Variants in GRK4 observed in about 807,000 individuals in gnomAD.
GRK4 encodes the protein G protein-coupled receptor kinase 4.
GRK4 carries 73 observed loss-of-function variants against 77.9 expected under a neutral mutation model. The ratio of observed to expected loss-of-function variants is 0.94; its 90% CI spans 0.78 to 1.14. GRK4 has a LOEUF of 1.14. GRK4 is among the 50% of genes most tolerant of loss of function. The pLI, the probability that GRK4 is intolerant of heterozygous loss-of-function variation, is 0.00. For synonymous variants in GRK4, 257 were observed against 254.4 expected, an observed-to-expected ratio of 1.01 and a Z score of -0.10; for missense variants, 729 against 700.2, an observed-to-expected ratio of 1.04 and a Z score of -0.46.
intron 5 of GRK4, among the ~76,000 whole-genome samples, chr4:3,004,837 A>G (rs1217747747): frequency 6.6e-6 from 1 of 152,142 alleles, no homozygotes; most frequent in Admixed American, 6.5e-5. Flanking sequence ...AAATACATAC[A>G]TAAGTGGCTC....
Position 2,985,912 on chromosome 4 carries a change from TG to T in GRK4, c.148+1306del, listed in dbSNP as rs375750617. 165 of 147,116 alleles carry T rather than the reference TG, an allele frequency of 1.1e-3. 1 individual carries two copies. The highest frequency in any genetic ancestry group is 4.0e-3 in the Admixed American group (52 of 13,106). The allele number at this position is 147,116 out of a possible 1,614,324, so 9.1% of individuals were successfully genotyped here. Reference sequence around the variant, plus strand: ...TACTTGGGAAGCTGAGGCAGGAGAATGGTGTGAACCTGGGGAGCTTGGAGAT... The same window carrying T: ...TACTTGGGAAGCTGAGGCAGGAGAATGTGTGAACCTGGGGAGCTTGGAGAT... On this transcript the variant is annotated intron_variant, in intron 2 of 15. Coordinates refer to ENST00000398052, the MANE Select transcript of GRK4 (RefSeq NM_182982.3).
intron 1 of GRK4, chr4:2,965,583 C>G (rs1016017554): frequency 1.5e-6 from 1 of 647,286 alleles, no homozygotes; most frequent in African/African-American, 1.8e-5. Context: ...GGCGGCCACG[C>G]TTGTAGTCCC....
chr4:3,027,540 C>T (rs1025677601), intron 10 of GRK4, among the ~76,000 whole-genome samples: 1 of 152,160 alleles, frequency 6.6e-6, no homozygotes, highest in African/African-American at 2.4e-5. Flanking sequence ...GGTACTCTGA[C>T]AGAAAGTATT....
chr4:3,014,090 C>T (rs545808695), intron 8 of GRK4, among the ~76,000 whole-genome samples: 1 of 152,238 alleles, frequency 6.6e-6, no homozygotes, highest in East Asian at 1.9e-4. Context: ...CCCCCGCCTC[C>T]CATTCTGTCA....
intron 3 of GRK4, among the ~76,000 whole-genome samples, chr4:2,991,388 T>G (rs2109667666): frequency 6.6e-6 from 1 of 152,362 alleles, no homozygotes; most frequent in East Asian, 1.9e-4. Flanking sequence ...GATTTATGTT[T>G]GAGTGACTAA....
intron 4 of GRK4, among the ~76,000 whole-genome samples, chr4:3,002,933 AC>A (rs1235143074): frequency 2.2e-4 from 33 of 150,374 alleles, no homozygotes; most frequent in African/African-American, 8.3e-4. Flanking sequence ...ATAAAAAAAC[AC>A]GTAACATGAA....
At chr4:2,970,684 T>C (rs1719264052) in intron 1 of GRK4, among the ~76,000 whole-genome samples, 1 of 151,724 alleles carries the variant, frequency 6.6e-6, no homozygotes, top group Non-Finnish European at 1.5e-5. Context: ...TTCTTTTTTT[T>C]TGGGGGGGTC....
chr4:2,965,388 A>T (rs868259469), intron 1 of GRK4: 1 of 703,054 alleles, frequency 1.4e-6, no homozygotes, highest in Middle Eastern at 2.3e-4. Flanking sequence ...TCGGACCTCA[A>T]GTCCCTGTGC....
At chr4:2,984,720 T>G in intron 2 of GRK4, 112 bp downstream of exon 2, 1 of 480,544 alleles carries the variant, frequency 2.1e-6, no homozygotes, top group Non-Finnish European at 3.6e-6. Flanking sequence ...TATGATAAAT[T>G]CTCCTTATAT....
At chr4:3,000,554 CTTTTCTTTTCTTTTCTTTTCT>C (rs1054279121) in intron 4 of GRK4, among the ~76,000 whole-genome samples, 4 of 110,490 alleles carry the variant, frequency 3.6e-5, no homozygotes, top group African/African-American at 1.2e-4. Context: ...TTTTTCTTTT[CTTTTCTTTTCTTTTCTTTTCT>C]TTTTTTTTTT....
chr4:3,001,089 A>ATATATATATATGTGTGTGTGTGTG lies in GRK4; in HGVS notation c.340-3141_340-3140insATATATATATGTGTGTGTGTGTGT. ...TAAATGAGACTATATATATATATAT[A>ATATATATATATGTGTGTGTGTGTG]TGTGTGTGTGTGTGTGTATATATAT... On this transcript the variant is annotated intron_variant, in intron 4 of 15. Coordinates refer to ENST00000398052, the MANE Select transcript of GRK4 (RefSeq NM_182982.3). 8.7e-4 allele frequency among the ~76,000 whole-genome samples: 72 copies of ATATATATATATGTGTGTGTGTGTG among 82,430 alleles called. 4 individuals are homozygous for ATATATATATATGTGTGTGTGTGTG. The highest frequency in any genetic ancestry group is 6.0e-3 in the Middle Eastern group (1 of 168). 54.1% of individuals were successfully genotyped at this position (82,430 alleles called of 152,430 possible). A position where few individuals can be genotyped will look rare whatever the true frequency, so the allele number is the denominator to read the frequency against.
rs142156088 is a variant in GRK4 at position 2,964,147 on chromosome 4, A to ACCC, written c.52+33_52+35dup. 493 of 1,153,242 alleles carry ACCC rather than the reference A, an allele frequency of 4.3e-4. 2 individuals carry two copies. The highest frequency in any genetic ancestry group is 1.7e-3 in the Admixed American group (69 of 39,644). 71.4% of individuals were successfully genotyped at this position (1,153,242 alleles called of 1,614,324 possible). ...GGTGGGTGCGCGGCAGGCGCCCCCG[A>ACCC]CCCCCCCCCCAGAGAACCCCGAATC... On this transcript the variant is annotated intron_variant, in intron 1 of 15. Transcript: ENST00000398052.
chr4:3,038,624 G>A, intron 15 of GRK4, 111 bp downstream of exon 15: 2 of 1,212,714 alleles, frequency 1.6e-6, no homozygotes, highest in South Asian at 3.0e-5. Flanking sequence ...GCTCCTACAG[G>A]CAGTTTTATA....
At chr4:2,968,892 T>C (rs2109381220) in intron 1 of GRK4, among the ~76,000 whole-genome samples, 1 of 152,238 alleles carries the variant, frequency 6.6e-6, no homozygotes, top group South Asian at 2.1e-4. Flanking sequence ...ATGATTCTTA[T>C]CCTGGGAGAG....
intron 7 of GRK4, among the ~76,000 whole-genome samples, chr4:3,013,147 G>A (rs757242045): frequency 2.6e-5 from 4 of 151,660 alleles, no homozygotes; most frequent in East Asian, 2.0e-4. Flanking sequence ...GGGTTTAAGC[G>A]ATTCTCCTGC....
intron 2 of GRK4, among the ~76,000 whole-genome samples, chr4:2,986,030 T>C (rs1453736227): frequency 6.7e-6 from 1 of 149,718 alleles, no homozygotes; most frequent in Non-Finnish European, 1.5e-5. Flanking sequence ...ATCATGTCTA[T>C]AGAGCAATCA....
intron 5 of GRK4, among the ~76,000 whole-genome samples, chr4:3,006,561 C>A (rs767349780): frequency 5.9e-5 from 9 of 151,948 alleles, no homozygotes; most frequent in Non-Finnish European, 1.2e-4. Flanking sequence ...AGAAGGATTG[C>A]GTGACCTCAG....
At chr4:2,977,737 C>G (rs1352107783) in intron 1 of GRK4, among the ~76,000 whole-genome samples, 2 of 152,056 alleles carry the variant, frequency 1.3e-5, no homozygotes, top group African/African-American at 4.8e-5. Flanking sequence ...AGCGAGAGAG[C>G]ACGGAGAACC....
chr4:2,990,520 G>C (rs1725840692), intron 3 of GRK4, among the ~76,000 whole-genome samples: 1 of 152,088 alleles, frequency 6.6e-6, no homozygotes, highest in Non-Finnish European at 1.5e-5. Flanking sequence ...GCCTCCCAAA[G>C]TGCTAGGATT....
Sources: allele counts gnomAD v4.1 joint callset (sites outside exome capture counted in the v4.1 genomes callset), GRCh38; gene constraint gnomAD v4.1.1; transcripts MANE v1.5; gene names NCBI Gene and HGNC (gene_info 2026-07-23, HGNC 2026-07-21).